Variants in AUTS2 observed in about 807,000 individuals in gnomAD.
AUTS2 encodes autism susceptibility gene 2 protein.
Under a neutral mutation model 112.4 loss-of-function variants are expected in AUTS2, and 17 were observed. The observed-to-expected ratio is 0.15, with a 90% CI of 0.10 to 0.23. The LOEUF is 0.23. Ranked by LOEUF, AUTS2 falls within the 10% of genes least tolerant of loss-of-function variation. The pLI, the probability that AUTS2 is intolerant of heterozygous loss-of-function variation, is 1.00. For synonymous variants in AUTS2, 751 were observed against 702.7 expected, an observed-to-expected ratio of 1.07 and a Z score of -1.09; for missense variants, 1,510 against 1,701.6, an observed-to-expected ratio of 0.89 and a Z score of 1.98.
intron 14 of AUTS2, among the ~76,000 whole-genome samples, chr7:70,778,492 C>T (rs1160147165): frequency 6.6e-6 from 1 of 151,612 alleles, no homozygotes; most frequent in Non-Finnish European, 1.5e-5. Context: ...GTTCCAGTCA[C>T]TCTAGAGGCT....
At chr7:70,662,782 G>T (rs932198108) in intron 5 of AUTS2, among the ~76,000 whole-genome samples, 3 of 152,100 alleles carry the variant, frequency 2.0e-5, no homozygotes, top group African/African-American at 7.2e-5. Context: ...TCAGCAGCAG[G>T]GTTGGGAGTT....
At chr7:70,549,254 C>T (rs1800921588) in intron 5 of AUTS2, among the ~76,000 whole-genome samples, 1 of 152,122 alleles carries the variant, frequency 6.6e-6, no homozygotes, top group South Asian at 2.1e-4. Flanking sequence ...GTTTTAATAG[C>T]TGTTTTGTAA....
intron 4 of AUTS2, among the ~76,000 whole-genome samples, chr7:70,155,571 C>T (rs1056674381): frequency 6.6e-6 from 1 of 151,384 alleles, no homozygotes; most frequent in Non-Finnish European, 1.5e-5. Flanking sequence ...TGTTTTTAAT[C>T]CTTTCTCGGT....
At chr7:70,035,857 G>A (rs887306763) in intron 2 of AUTS2, among the ~76,000 whole-genome samples, 3 of 151,812 alleles carry the variant, frequency 2.0e-5, no homozygotes, top group South Asian at 2.1e-4. Flanking sequence ...CCTTTCATAC[G>A]TCCTAAAAAT....
intron 4 of AUTS2, among the ~76,000 whole-genome samples, chr7:70,285,167 A>C (rs942076009): frequency 6.6e-6 from 1 of 152,126 alleles, no homozygotes; most frequent in Non-Finnish European, 1.5e-5. Context: ...AGAAGCTCTT[A>C]ACATTTGAGT....
chr7:69,983,031 A>G (rs747326560), intron 2 of AUTS2, among the ~76,000 whole-genome samples: 3 of 152,210 alleles, frequency 2.0e-5, no homozygotes, highest in African/African-American at 4.8e-5. Flanking sequence ...GACCTTGGCT[A>G]TGAACATTTA....
At chr7:70,026,026 G>A (rs1343396706) in intron 2 of AUTS2, among the ~76,000 whole-genome samples, 1 of 152,140 alleles carries the variant, frequency 6.6e-6, no homozygotes, top group Admixed American at 6.5e-5. Flanking sequence ...TTTTCTCACT[G>A]ATGGATTGCT....
chr7:70,501,398 C>T (rs979494887), intron 5 of AUTS2, among the ~76,000 whole-genome samples: 1 of 152,112 alleles, frequency 6.6e-6, no homozygotes, highest in Non-Finnish European at 1.5e-5. Context: ...TATGAGATAG[C>T]CTGTTAGCTT....
intron 1 of AUTS2, among the ~76,000 whole-genome samples, chr7:69,640,861 A>C (rs1197287377): frequency 1.3e-5 from 2 of 152,242 alleles, no homozygotes; most frequent in African/African-American, 2.4e-5. Context: ...AACACAATGG[A>C]GCATATACAT....
chr7:70,442,203 G>A (rs1219926134), intron 5 of AUTS2, among the ~76,000 whole-genome samples: 1 of 152,270 alleles, frequency 6.6e-6, no homozygotes, highest in Admixed American at 6.5e-5. Flanking sequence ...TGCTTGATAT[G>A]AATTAGGTGC....
At chr7:69,705,847 C>T (rs999570202) in intron 1 of AUTS2, among the ~76,000 whole-genome samples, 1 of 152,074 alleles carries the variant, frequency 6.6e-6, no homozygotes, top group Non-Finnish European at 1.5e-5. Context: ...AGATGGCTAC[C>T]TTGCTGTGTC....
At chr7:69,684,387 T>G (rs2129171555) in intron 1 of AUTS2, among the ~76,000 whole-genome samples, 1 of 152,272 alleles carries the variant, frequency 6.6e-6, no homozygotes, top group Admixed American at 6.5e-5. Context: ...AGGGAGGGAT[T>G]GATGGATCTC....
At chr7:69,600,857 C>CT (rs919882044) in intron 1 of AUTS2, among the ~76,000 whole-genome samples, 4 of 151,648 alleles carry the variant, frequency 2.6e-5, no homozygotes, top group South Asian at 2.1e-4. Flanking sequence ...TTTGTGTTTT[C>CT]TTTTTTTTCT....
At chr7:70,057,042 A>G (rs1228212156) in intron 2 of AUTS2, among the ~76,000 whole-genome samples, 1 of 152,142 alleles carries the variant, frequency 6.6e-6, no homozygotes, top group Non-Finnish European at 1.5e-5. Flanking sequence ...TTGCACATGC[A>G]TGATTTGGAT....
chr7:70,186,376 A>G (rs1028345260), intron 4 of AUTS2, among the ~76,000 whole-genome samples: 1 of 152,110 alleles, frequency 6.6e-6, no homozygotes, highest in Non-Finnish European at 1.5e-5. Context: ...TTTCAGCTTA[A>G]GATAACATCA....
At chr7:70,414,903 C>T (rs1478181763) in intron 4 of AUTS2, among the ~76,000 whole-genome samples, 2 of 152,178 alleles carry the variant, frequency 1.3e-5, no homozygotes, top group Non-Finnish European at 2.9e-5. Flanking sequence ...CAGCCTGGAA[C>T]AGAGGGTAAC....
At chr7:69,896,358 G>A (rs531110810) in intron 1 of AUTS2, among the ~76,000 whole-genome samples, 7 of 152,286 alleles carry the variant, frequency 4.6e-5, no homozygotes, top group Non-Finnish European at 8.8e-5. Flanking sequence ...CTACCTCTCC[G>A]ATGGCAGAGG....
At chr7:70,787,619 T>C (rs1407965915) in intron 18 of AUTS2, among the ~76,000 whole-genome samples, 188 bp downstream of exon 18, 1 of 152,012 alleles carries the variant, frequency 6.6e-6, no homozygotes, top group African/African-American at 2.4e-5. Context: ...ATGGTGACCG[T>C]AGGAGATAGC....
intron 5 of AUTS2, chr7:70,596,537 C>T (rs896239384): frequency 3.3e-5 from 5 of 152,258 alleles, no homozygotes; most frequent in African/African-American, 4.8e-5. Flanking sequence ...ACGTACACCT[C>T]AAGACCTAAA....
Sources: gnomAD v4.1 joint callset for allele counts (sites outside exome capture counted in the v4.1 genomes callset) on GRCh38, gnomAD v4.1.1 for gene constraint, MANE v1.5 for transcripts, NCBI Gene and HGNC (gene_info 2026-07-23, HGNC 2026-07-21) for gene names.